The following ASIC2 variants were observed in gnomAD, a reference collection of about 807,000 sequenced individuals.
ASIC2 encodes the protein acid-sensing ion channel 2.
In ASIC2, 25 loss-of-function variants were observed where a neutral mutation model predicts 57.3. The ratio of observed to expected loss-of-function variants is 0.44; its 90% CI spans 0.32 to 0.61. The LOEUF is 0.61. ASIC2 is among the 20% of genes least tolerant of loss of function. The pLI is 0.06. For missense variants in ASIC2, 641 were observed against 738.1 expected (o/e 0.87, Z 1.52); for synonymous variants, 319 against 307.5 (o/e 1.04, Z -0.39).
At chr17:33,290,425 G>A (rs779788586) in intron 1 of ASIC2, among the ~76,000 whole-genome samples, 2 of 152,218 alleles carry the variant, frequency 1.3e-5, no homozygotes, top group Admixed American at 6.5e-5. Flanking sequence ...ATTTACACAC[G>A]AATGGCTGGA....
intron 1 of ASIC2, among the ~76,000 whole-genome samples, chr17:33,488,199 C>T (rs1477358203): frequency 1.3e-5 from 2 of 152,044 alleles, no homozygotes; most frequent in East Asian, 1.9e-4. Context: ...TTAGAAACGC[C>T]GTCACTCTCC....
chr17:33,061,138 T>A (rs1447750980), intron 3 of ASIC2, among the ~76,000 whole-genome samples: 1 of 152,222 alleles, frequency 6.6e-6, no homozygotes, highest in African/African-American at 2.4e-5. Context: ...CTTTTCCTAA[T>A]TGAATACCCT....
intron 1 of ASIC2, among the ~76,000 whole-genome samples, chr17:34,095,900 C>A (rs1910529918): frequency 6.6e-6 from 1 of 151,508 alleles, no homozygotes; most frequent in Admixed American, 6.6e-5. Flanking sequence ...AGGTTCCTTG[C>A]CTATATTATT....
chr17:34,106,439 C>T (rs990629399), intron 1 of ASIC2, among the ~76,000 whole-genome samples: 1 of 152,106 alleles, frequency 6.6e-6, no homozygotes, highest in East Asian at 1.9e-4. Context: ...CTCCAGCACT[C>T]CTTCCATATT....
At chr17:34,092,225 G>A (rs567658055) in intron 1 of ASIC2, among the ~76,000 whole-genome samples, 1 of 152,194 alleles carries the variant, frequency 6.6e-6, no homozygotes, top group Non-Finnish European at 1.5e-5. Context: ...TACAGTAGAG[G>A]TTTCAGGCAA....
At chr17:33,837,909 T>C (rs1030629170) in intron 1 of ASIC2, among the ~76,000 whole-genome samples, 1 of 152,094 alleles carries the variant, frequency 6.6e-6, no homozygotes, top group African/African-American at 2.4e-5. Context: ...TCTACCTCCA[T>C]CTGTTCACCT....
chr17:33,538,160 G>A (rs553801930), intron 1 of ASIC2, among the ~76,000 whole-genome samples: 2 of 152,348 alleles, frequency 1.3e-5, no homozygotes, highest in Admixed American at 6.5e-5. Flanking sequence ...CTTCCTGCCT[G>A]TAAATGATCA....
chr17:33,161,000 A>T (rs1200959152), intron 1 of ASIC2, among the ~76,000 whole-genome samples: 1 of 152,230 alleles, frequency 6.6e-6, no homozygotes, highest in Admixed American at 6.5e-5. Context: ...GACCTGAAAC[A>T]GCTTGGAGCT....
chr17:33,882,429 C>T (rs1346021437), intron 1 of ASIC2, among the ~76,000 whole-genome samples: 1 of 152,104 alleles, frequency 6.6e-6, no homozygotes, highest in Non-Finnish European at 1.5e-5. Context: ...AAACAAACAA[C>T]CCCATCAAAA....
chr17:33,185,879 G>T (rs1020020806), intron 1 of ASIC2, among the ~76,000 whole-genome samples: 1 of 152,114 alleles, frequency 6.6e-6, no homozygotes, highest in Admixed American at 6.5e-5. Context: ...TGCTCAGAGG[G>T]TATTGCTTCA....
intron 1 of ASIC2, among the ~76,000 whole-genome samples, chr17:34,088,279 G>A (rs1910186078): frequency 6.6e-6 from 1 of 152,188 alleles, no homozygotes; most frequent in Admixed American, 6.5e-5. Flanking sequence ...CTCAGCTGCA[G>A]GTCTGTTGGA....
chr17:33,981,750 T>A (rs927966199), intron 1 of ASIC2, among the ~76,000 whole-genome samples: 1 of 152,212 alleles, frequency 6.6e-6, no homozygotes, highest in Non-Finnish European at 1.5e-5. Flanking sequence ...AGCACCATGC[T>A]TAACATTCTA....
At chr17:33,941,255 C>A (rs1268053541) in intron 1 of ASIC2, among the ~76,000 whole-genome samples, 1 of 152,196 alleles carries the variant, frequency 6.6e-6, no homozygotes, top group Non-Finnish European at 1.5e-5. Flanking sequence ...GCAGCCCACA[C>A]AGACAGGAGA....
intron 1 of ASIC2, among the ~76,000 whole-genome samples, chr17:33,217,718 T>G (rs1428336882): frequency 6.6e-6 from 1 of 152,216 alleles, no homozygotes; most frequent in Non-Finnish European, 1.5e-5. Flanking sequence ...TGTTTGAACT[T>G]CAGGTTTCTT....
chr17:33,104,568 C>T (rs955466240), intron 2 of ASIC2, among the ~76,000 whole-genome samples: 1 of 152,202 alleles, frequency 6.6e-6, no homozygotes, highest in African/African-American at 2.4e-5. Flanking sequence ...AGCCATGTTG[C>T]TTTTGTCTGT....
chr17:33,056,145 C>CA (rs2091997181), intron 3 of ASIC2, among the ~76,000 whole-genome samples: 1 of 152,158 alleles, frequency 6.6e-6, no homozygotes, highest in Non-Finnish European at 1.5e-5. Flanking sequence ...CAGTTGGCTG[C>CA]AGAGGTGGGG....
chr17:33,197,695 T>C (rs1039615249), intron 1 of ASIC2, among the ~76,000 whole-genome samples: 11 of 152,332 alleles, frequency 7.2e-5, no homozygotes, highest in African/African-American at 2.4e-4. Context: ...AAAACTCCCT[T>C]ACAGTTTAAG....
intron 1 of ASIC2, among the ~76,000 whole-genome samples, chr17:33,807,559 CTT>C (rs1334472267): frequency 6.6e-6 from 1 of 152,074 alleles, no homozygotes; most frequent in Non-Finnish European, 1.5e-5. Flanking sequence ...CTCTCTCTCT[CTT>C]TCTTTCCCTC....
intron 1 of ASIC2, among the ~76,000 whole-genome samples, chr17:33,818,542 C>G (rs1199662863): frequency 1.3e-5 from 2 of 152,044 alleles, no homozygotes; most frequent in African/African-American, 4.8e-5. Flanking sequence ...AATTTTGTCC[C>G]CCAGGAGACA....
Sources: gnomAD v4.1 joint callset for allele counts (sites outside exome capture counted in the v4.1 genomes callset) on GRCh38, gnomAD v4.1.1 for gene constraint, MANE v1.5 for transcripts, NCBI Gene and HGNC (gene_info 2026-07-23, HGNC 2026-07-21) for gene names.